The following HLCS variants were observed in gnomAD, a reference collection of about 807,000 sequenced individuals.
The protein encoded by HLCS is holocarboxylase synthetase, also known as biotin--protein ligase.
Under a neutral mutation model 75.0 loss-of-function variants are expected in HLCS, and 53 were observed. The observed-to-expected ratio is 0.71, with a 90% CI of 0.57 to 0.89. The LOEUF is 0.89. Ranked by LOEUF, HLCS falls within the 40% of genes least tolerant of loss-of-function variation. The pLI is 0.00. For synonymous variants in HLCS, 431 were observed against 428.6 expected (o/e 1.01, Z -0.07); for missense variants, 966 against 1,074.0 (o/e 0.90, Z 1.41).
intron 5 of HLCS, among the ~76,000 whole-genome samples, chr21:36,929,203 G>A (rs574455249): frequency 4.6e-5 from 7 of 152,338 alleles, no homozygotes; most frequent in African/African-American, 7.2e-5. Flanking sequence ...TCAGAACTCC[G>A]AGAAAGGGCA....
intron 1 of HLCS, among the ~76,000 whole-genome samples, chr21:36,982,849 T>C (rs2069149534): frequency 6.6e-6 from 1 of 152,086 alleles, no homozygotes; most frequent in Admixed American, 6.6e-5. Flanking sequence ...GCCAAGATGG[T>C]GAAACCCCAT....
Position 36,756,710 on chromosome 21 carries a change from T to C in HLCS, c.2282A>G (p.Asn761Ser). Reference protein sequence around the residue: ...VTNSNPTICINDLITEYNKQH... With the variant: ...VTNSNPTICISDLITEYNKQH... ...TTTATTGTATTCTGTGATGAGGTCG[T>C]TGATGCAGATGGTAGGGTTACTGTT... The change falls in exon 10 of 11, where the codon AAC (asparagine) becomes AGC (serine). Residue 761 changes from asparagine to serine, a missense_variant. Physicochemically the swap from Asn to Ser is conservative, Grantham distance 46. Transcript: ENST00000674895. 1.2e-6 allele frequency: 2 copies of C among 1,614,174 alleles called. No individual in the cohort carries two copies. Among genetic ancestry groups the C allele is most frequent in the South Asian group, 1.1e-5 (1 of 91,080 alleles).
At chr21:36,875,532 C>T (rs755985660) in intron 6 of HLCS, among the ~76,000 whole-genome samples, 1 of 152,198 alleles carries the variant, frequency 6.6e-6, no homozygotes, top group Non-Finnish European at 1.5e-5. Flanking sequence ...GAGAGCCAGA[C>T]AGATGTTGGG....
intron 3 of HLCS, among the ~76,000 whole-genome samples, chr21:36,937,943 T>C (rs977553400): frequency 3.3e-5 from 5 of 152,226 alleles, no homozygotes; most frequent in African/African-American, 9.6e-5. Flanking sequence ...GACATGGTAT[T>C]AGAGACATGT....
At chr21:36,930,104 C>T (rs2066569851) in intron 5 of HLCS, 147 bp downstream of exon 5, 6 of 748,960 alleles carry the variant, frequency 8.0e-6, no homozygotes, top group Non-Finnish European at 1.2e-5. Flanking sequence ...TGAATATTTG[C>T]ACATCTTGAA....
intron 6 of HLCS, among the ~76,000 whole-genome samples, chr21:36,780,826 G>A (rs113684665): frequency 9.1e-4 from 138 of 152,186 alleles, no homozygotes; most frequent in African/African-American, 3.2e-3. Flanking sequence ...GCGTGTGTCT[G>A]TGCATGTGCG....
intron 1 of HLCS, among the ~76,000 whole-genome samples, chr21:36,989,988 G>T (rs1301904748): frequency 6.6e-6 from 1 of 152,084 alleles, no homozygotes; most frequent in Non-Finnish European, 1.5e-5. Flanking sequence ...GCCCCCTTCT[G>T]GCAGCTGGAG....
chr21:36,779,108 C>A (rs1179512433), intron 6 of HLCS, among the ~76,000 whole-genome samples: 3 of 152,078 alleles, frequency 2.0e-5, no homozygotes, highest in Non-Finnish European at 4.4e-5. Flanking sequence ...TTCCAGACTG[C>A]CTCCCAAGTC....
rs537958460 is a variant in HLCS at position 36,887,177 on chromosome 21, A to T, written c.1892+9683T>A. 8.6e-5 allele frequency among the ~76,000 whole-genome samples: 13 copies of T among 151,530 alleles called. No homozygotes were observed. The South Asian group carries it at 2.7e-3, about 32-fold the overall frequency. On this transcript the variant is annotated intron_variant, in intron 6 of 10. Transcript: ENST00000674895. ...AGTCTACAATCTAGAAGATAATTTG[A>T]CCAAGCCGGGTAGCACCTTGATCTC...
rs1275015391 is a variant in HLCS, at chr21:36,936,475, G to C, written c.1411C>G (p.Arg471Gly). 1 of 1,614,108 alleles carries C rather than the reference G, an allele frequency of 6.2e-7. No homozygotes were observed. The highest frequency in any genetic ancestry group is 1.3e-5 in the African/African-American group (1 of 75,044). The part of the protein sequence containing the change: ...RMIVHVPFGT[R>G]GGEAVLCQVH... ...TGGCAAAGAACAGCTTCTCCCCCGC[G>C]AGTTCCAAAAGGCACATGCACAATC... Residue 471 changes from arginine to glycine, a missense_variant, in exon 4 of 11, where the codon CGC (arginine) becomes GGC (glycine). Coordinates refer to ENST00000674895, the MANE Select transcript of HLCS (RefSeq NM_001352514.2).
At chr21:36,967,697 G>A (rs58557562), upstream of HLCS, among the ~76,000 whole-genome samples, 5,032 of 152,292 alleles carry the variant, frequency 0.033, 166 homozygotes, top group African/African-American at 0.088. Flanking sequence ...TGTACACCAC[G>A]TCCATGTCTT....
chr21:36,972,431 T>A (rs2068816590), intron 1 of HLCS, among the ~76,000 whole-genome samples: 1 of 152,190 alleles, frequency 6.6e-6, no homozygotes, highest in Non-Finnish European at 1.5e-5. Flanking sequence ...ATTACAGGCA[T>A]GTGTCGTGCC....
chr21:36,978,878 G>A (rs1260229010), intron 1 of HLCS, among the ~76,000 whole-genome samples: 2 of 152,210 alleles, frequency 1.3e-5, no homozygotes, highest in Non-Finnish European at 2.9e-5. Flanking sequence ...TGAGGGGCCA[G>A]TGAGTCACAT....
At chr21:36,909,394 T>C (rs907557932) in intron 5 of HLCS, among the ~76,000 whole-genome samples, 19 of 152,142 alleles carry the variant, frequency 1.2e-4, no homozygotes, top group African/African-American at 4.6e-4. Flanking sequence ...CATTAAACAA[T>C]ACTAAGGCCC....
intron 2 of HLCS, 115 bp downstream of exon 2, chr21:36,961,921 T>C (rs1013490391): frequency 1.9e-5 from 11 of 590,018 alleles, no homozygotes; most frequent in Middle Eastern, 7.5e-4. Flanking sequence ...ACCACTGCAC[T>C]CCAGCCTGGG....
intron 6 of HLCS, among the ~76,000 whole-genome samples, chr21:36,787,533 G>A (rs934805307): frequency 6.6e-6 from 1 of 152,190 alleles, no homozygotes; most frequent in African/African-American, 2.4e-5. Context: ...GATGCCCAAG[G>A]AGAGTTCTGT....
intron 6 of HLCS, among the ~76,000 whole-genome samples, chr21:36,774,384 A>G (rs1023601703): frequency 6.6e-6 from 1 of 152,176 alleles, no homozygotes; most frequent in Non-Finnish European, 1.5e-5. Context: ...ACATGGAGTA[A>G]GGGAATCCAT....
At chr21:36,975,873 C>T (rs1216829801) in intron 1 of HLCS, among the ~76,000 whole-genome samples, 2 of 152,204 alleles carry the variant, frequency 1.3e-5, no homozygotes, top group Non-Finnish European at 1.5e-5. Context: ...CTCCTGCACA[C>T]GAGGTGCTAT....
intron 6 of HLCS, among the ~76,000 whole-genome samples, chr21:36,887,744 G>A (rs560268507): frequency 7.2e-5 from 11 of 152,206 alleles, no homozygotes; most frequent in African/African-American, 2.4e-4. Flanking sequence ...AAAAAAATTC[G>A]TGCTAATTAT....
Sources: allele counts gnomAD v4.1 joint callset (sites outside exome capture counted in the v4.1 genomes callset), GRCh38; gene constraint gnomAD v4.1.1; transcripts MANE v1.5; gene names NCBI Gene and HGNC (gene_info 2026-07-23, HGNC 2026-07-21).